Variants in MARK3 observed in about 807,000 individuals in gnomAD.
The protein encoded by MARK3 is MAP/microtubule affinity-regulating kinase 3.
In MARK3, 46 loss-of-function variants were observed where a neutral mutation model predicts 90.1. That is an observed-to-expected ratio of 0.51 (90% confidence interval 0.40 to 0.65). MARK3 has a LOEUF of 0.65. Among genes scored for constraint, MARK3 ranks in the 30% least tolerant of loss-of-function variants. The pLI is 0.00. For missense variants in MARK3, 818 were observed against 947.2 expected, an observed-to-expected ratio of 0.86 and a Z score of 1.79; for synonymous variants, 321 against 332.6, an observed-to-expected ratio of 0.97 and a Z score of 0.38.
At chr14:103,462,356 A>T in intron 6 of MARK3, 49 bp from the exon 7 acceptor site, 1 of 1,347,792 alleles carries the variant, frequency 7.4e-7, no homozygotes, top group East Asian at 2.3e-5. Context: ...TTTCATCTTA[A>T]TTACGAATCT....
chr14:103,404,565 C>T (rs1008879100), intron 1 of MARK3, among the ~76,000 whole-genome samples: 4 of 152,212 alleles, frequency 2.6e-5, no homozygotes, highest in African/African-American at 9.6e-5. Flanking sequence ...AAGGGCCACA[C>T]AGTCTAGCTG....
intron 3 of MARK3, among the ~76,000 whole-genome samples, chr14:103,442,427 T>C (rs1013483816): frequency 1.3e-5 from 2 of 152,002 alleles, no homozygotes; most frequent in African/African-American, 4.8e-5. Context: ...TTTAATCCCC[T>C]TTTCAGGATA....
intron 13 of MARK3, among the ~76,000 whole-genome samples, chr14:103,479,995 T>C (rs2093790554): frequency 6.6e-6 from 1 of 151,980 alleles, no homozygotes; most frequent in African/African-American, 2.4e-5. Context: ...TAAAATTAGG[T>C]TGTCAGGCCG....
intron 14 of MARK3, among the ~76,000 whole-genome samples, chr14:103,487,260 C>T (rs1036593168): frequency 5.3e-5 from 8 of 150,220 alleles, no homozygotes; most frequent in East Asian, 2.1e-4. Flanking sequence ...GAGGCCAAGA[C>T]GGGCGGATTG....
At chr14:103,405,347 A>T in intron 2 of MARK3, 80 bp downstream of exon 2, 1 of 1,128,130 alleles carries the variant, frequency 8.9e-7, no homozygotes. Flanking sequence ...GAATATAGAT[A>T]TAGGCCTTAT....
intron 2 of MARK3, chr14:103,412,305 T>C (rs2091689272): frequency 3.1e-6 from 2 of 638,318 alleles, no homozygotes; most frequent in Non-Finnish European, 5.5e-6. Flanking sequence ...ATATGAAACT[T>C]GATTGTGGAC....
At chr14:103,470,734 G>A (rs1490576409) in intron 12 of MARK3, among the ~76,000 whole-genome samples, 1 of 152,028 alleles carries the variant, frequency 6.6e-6, no homozygotes, top group Non-Finnish European at 1.5e-5. Context: ...TCGGATTACA[G>A]GCATGAGTCA....
At chr14:103,500,243 A>C in intron 17 of MARK3, 43 bp downstream of exon 17, 1 of 1,448,730 alleles carries the variant, frequency 6.9e-7, no homozygotes, top group South Asian at 1.2e-5. Flanking sequence ...TCAGGTGTTT[A>C]CTTCATTTCT....
intron 1 of MARK3, chr14:103,386,381 G>C: frequency 1.5e-6 from 1 of 674,118 alleles, no homozygotes; most frequent in Non-Finnish European, 2.7e-6. Context: ...GCAATGGATT[G>C]TGCAAACGTG....
intron 2 of MARK3, among the ~76,000 whole-genome samples, chr14:103,422,792 T>C (rs1213353583): frequency 6.6e-6 from 1 of 152,224 alleles, no homozygotes; most frequent in East Asian, 1.9e-4. Flanking sequence ...TATTCTTCCA[T>C]GTTGAGGTTT....
chr14:103,474,468 A>T (rs1224008737), intron 12 of MARK3, among the ~76,000 whole-genome samples: 1 of 86,254 alleles, frequency 1.2e-5, no homozygotes, highest in Non-Finnish European at 2.3e-5. Flanking sequence ...TGTCGCTTGC[A>T]TGATTCCTCT....
chr14:103,424,896 A>C (rs1469286130), intron 2 of MARK3, among the ~76,000 whole-genome samples: 1 of 152,112 alleles, frequency 6.6e-6, no homozygotes, highest in African/African-American at 2.4e-5. Flanking sequence ...TTGGTTACTG[A>C]TTATGAGTGT....
At chr14:103,427,510 A>AAAAAAG (rs1555381307) in intron 2 of MARK3, among the ~76,000 whole-genome samples, 2 of 150,966 alleles carry the variant, frequency 1.3e-5, no homozygotes, top group African/African-American at 2.4e-5. Context: ...AAAAAAAAAA[A>AAAAAAG]AAAGAAACAA....
intron 1 of MARK3, among the ~76,000 whole-genome samples, chr14:103,398,049 T>C (rs955543597): frequency 3.9e-5 from 6 of 152,236 alleles, no homozygotes; most frequent in Admixed American, 6.5e-5. Flanking sequence ...GCGCTTAATA[T>C]ATTGCATCTA....
intron 14 of MARK3, 111 bp from the exon 15 acceptor site, chr14:103,491,666 T>A: frequency 1.7e-6 from 2 of 1,205,054 alleles, no homozygotes; most frequent in South Asian, 2.9e-5. Flanking sequence ...AAATACCCCT[T>A]GGATCTGGAT....
At chr14:103,448,371 G>A (rs1043200587) in intron 3 of MARK3, among the ~76,000 whole-genome samples, 3 of 152,088 alleles carry the variant, frequency 2.0e-5, no homozygotes, top group African/African-American at 7.2e-5. Flanking sequence ...AACATGTAAG[G>A]CATGACTCAT....
intron 6 of MARK3, 42 bp from the exon 7 acceptor site, chr14:103,462,363 A>G (rs1304257308): frequency 7.0e-7 from 1 of 1,432,692 alleles, no homozygotes; most frequent in Admixed American, 1.7e-5. Context: ...TTAATTACGA[A>G]TCTGCACCAG....
At position 103,475,136 on chromosome 14, in the gene MARK3, C is replaced by T. The variant is rs1356885103; in HGVS notation, c.1408C>T (p.Pro470Ser). ...VGGKGIAPAS[P>S]MLGNASNPNK... ...AGGAAAGGGAATTGCTCCAGCCAGT[C>T]CCATGCTTGGGAATGCAAGTAATCC... Residue 470 changes from proline (P) to serine (S), a missense_variant, in exon 13 of 18, where the codon CCC (proline) becomes TCC (serine). Pro to Ser is a moderately conservative substitution (Grantham distance 74). Transcript: ENST00000429436. 1.2e-6 allele frequency: 2 copies of T among 1,614,174 alleles called. No individual in the cohort carries two copies. The highest frequency in any genetic ancestry group is 1.1e-5 in the South Asian group (1 of 91,080).
At chr14:103,433,577 C>CA (rs1320869421) in intron 3 of MARK3, among the ~76,000 whole-genome samples, 5 of 152,014 alleles carry the variant, frequency 3.3e-5, no homozygotes, top group Non-Finnish European at 5.9e-5. Context: ...CCCAGCTACC[C>CA]AGTAGGCTGA....
Sources: allele counts gnomAD v4.1 joint callset (sites outside exome capture counted in the v4.1 genomes callset), GRCh38; gene constraint gnomAD v4.1.1; transcripts MANE v1.5; gene names NCBI Gene and HGNC (gene_info 2026-07-23, HGNC 2026-07-21).